Variants in NUDT5 observed in about 807,000 individuals in gnomAD.
NUDT5 encodes the protein nudix hydrolase 5, also known as ADP-sugar pyrophosphatase.
A neutral mutation model predicts 34.1 loss-of-function variants in NUDT5; 21 were observed. The ratio of observed to expected loss-of-function variants is 0.62; its 90% confidence interval spans 0.44 to 0.89. NUDT5 has a LOEUF of 0.89. Among genes scored for constraint, NUDT5 ranks in the 40% least tolerant of loss-of-function variants. The pLI is 0.00. For synonymous variants in NUDT5, 85 were observed against 97.6 expected (o/e 0.87, Z 0.76); for missense variants, 249 against 274.8 (o/e 0.91, Z 0.66).
chr10:12,174,874 T>C (rs1834923982), intron 5 of NUDT5, among the ~76,000 whole-genome samples: 1 of 151,820 alleles, frequency 6.6e-6, no homozygotes, highest in Non-Finnish European at 1.5e-5. Context: ...TCCTCCCTCA[T>C]AGTAAAACAC....
At chr10:12,194,212 C>T (rs1344692986) in intron 1 of NUDT5, among the ~76,000 whole-genome samples, 6 of 152,228 alleles carry the variant, frequency 3.9e-5, no homozygotes, top group Non-Finnish European at 8.8e-5. Flanking sequence ...AAGTACTGCT[C>T]CTCGCAGAAG....
intron 3 of NUDT5, among the ~76,000 whole-genome samples, chr10:12,183,738 CT>C (rs1158922335): frequency 6.6e-6 from 1 of 152,156 alleles, no homozygotes; most frequent in Non-Finnish European, 1.5e-5. Context: ...AACCACACAG[CT>C]TTTTTCCCAT....
intron 4 of NUDT5, among the ~76,000 whole-genome samples, chr10:12,178,172 T>A (rs1834986632): frequency 6.6e-6 from 1 of 152,060 alleles, no homozygotes; most frequent in Non-Finnish European, 1.5e-5. Flanking sequence ...TCCTACAGGG[T>A]CAAGGATGTA....
chr10:12,177,491 C>G (rs1483348781), intron 5 of NUDT5, among the ~76,000 whole-genome samples: 1 of 152,206 alleles, frequency 6.6e-6, no homozygotes, highest in Non-Finnish European at 1.5e-5. Flanking sequence ...TGCACTCCAG[C>G]CTGGGTGATA....
chr10:12,184,426 CAT>C (rs1835092464), intron 3 of NUDT5: 6 of 1,396,038 alleles, frequency 4.3e-6, no homozygotes, highest in Non-Finnish European at 4.9e-6. Flanking sequence ...GCTACTGACA[CAT>C]ATTATGAAAT....
chr10:12,184,807 C>T, intron 3 of NUDT5, 82 bp downstream of exon 3: 1 of 806,818 alleles, frequency 1.2e-6, no homozygotes, highest in Non-Finnish European at 2.0e-6. Flanking sequence ...AAAAAGAAAA[C>T]ATCAAAGTTT....
chr10:12,166,680 A>G lies in NUDT5; in HGVS notation c.*1022T>C, dbSNP rs1188172920. 2 of 497,158 alleles carry G rather than the reference A, an allele frequency of 4.0e-6. No homozygotes were observed. Among genetic ancestry groups the G allele is most frequent in the East Asian group, 1.2e-4 (2 of 16,402 alleles). 30.8% of individuals were successfully genotyped at this position (497,158 alleles called of 1,614,324 possible). A position where few individuals can be genotyped will look rare whatever the true frequency, so the allele number is the denominator to read the frequency against. Reference sequence around the variant, plus strand: ...CATGACTTAGGGCTGGATGAGAATCATCCTGAGAATTCCGTGGGGGCCAGA... The same window carrying G: ...CATGACTTAGGGCTGGATGAGAATCGTCCTGAGAATTCCGTGGGGGCCAGA... On this transcript the variant is annotated 3_prime_UTR_variant, in exon 10 of 10. Coordinates refer to ENST00000491614, the MANE Select transcript of NUDT5 (RefSeq NM_014142.4).
chr10:12,177,407 C>T (rs4750183), intron 5 of NUDT5, among the ~76,000 whole-genome samples: 5,417 of 148,094 alleles, frequency 0.037, 123 homozygotes, highest in Admixed American at 0.057. Flanking sequence ...TAGTCCCAGC[C>T]ACTCGGGAGG....
chr10:12,167,877 C>A, intron 9 of NUDT5, 66 bp from the exon 10 acceptor site: 2 of 1,601,286 alleles, frequency 1.2e-6, no homozygotes, highest in South Asian at 1.1e-5. Context: ...CTTATTCAAT[C>A]AGTGTTTGCG....
chr10:12,191,244 C>CT (rs1260062460), intron 1 of NUDT5, among the ~76,000 whole-genome samples: 7 of 152,008 alleles, frequency 4.6e-5, no homozygotes, highest in Non-Finnish European at 7.4e-5. Context: ...ATTAGCCAGG[C>CT]TTGGTGGTGG....
chr10:12,192,952 T>TC (rs1308716502), intron 1 of NUDT5, among the ~76,000 whole-genome samples: 1 of 152,050 alleles, frequency 6.6e-6, no homozygotes, highest in East Asian at 1.9e-4. Flanking sequence ...GGGTTTTTTT[T>TC]TCATTCTCTT....
rs1437362859 is a variant in NUDT5 at position 12,171,641 on chromosome 10, CCA to C, written c.488-735_488-734del. On this transcript the variant is annotated intron_variant, in intron 7 of 9. Transcript: ENST00000491614. This position sits in a 1 kb window ranked among gnomAD's most constrained non-coding sequence, Gnocchi z 4.2. ...TATGCTGAGGAACTGCCAAACTTTTCCACAGTGTCTCATATGTATATGTGCAG... is the reference window on the plus strand; with the variant it reads ...TATGCTGAGGAACTGCCAAACTTTTCCAGTGTCTCATATGTATATGTGCAG... 2.0e-5 allele frequency among the ~76,000 whole-genome samples: 3 copies of C among 151,924 alleles called. No individual in the cohort carries two copies. Among genetic ancestry groups the C allele is most frequent in the Non-Finnish European group, 2.9e-5 (2 of 67,994 alleles).
rs1463663894 is a variant in NUDT5 at position 12,187,343 on chromosome 10, T to G, written c.-41-1011A>C. On this transcript the variant is annotated intron_variant, in intron 1 of 9. Transcript: ENST00000491614. The surrounding 1 kb of genome is among the most constrained non-coding windows in gnomAD (Gnocchi z 5.4). ...TGAGCCACTGGACCCACCTCCCCAC[T>G]TACTTTTAAGTTTCAGCATGTATCA... Among the ~76,000 whole-genome samples, 1 of 152,216 alleles carries G rather than the reference T, an allele frequency of 6.6e-6. No homozygotes were observed. Among genetic ancestry groups the G allele is most frequent in the East Asian group, 1.9e-4 (1 of 5,202 alleles).
chr10:12,170,799 A>T lies in NUDT5; in HGVS notation c.497-29T>A. 1 of 1,613,952 alleles carries T rather than the reference A, an allele frequency of 6.2e-7. No individual in the cohort carries two copies. The highest frequency in any genetic ancestry group is 8.5e-7 in the Non-Finnish European group (1 of 1,179,808). On this transcript the variant is annotated intron_variant, in intron 8 of 9. Transcript: ENST00000491614. The surrounding 1 kb of genome is among the most constrained non-coding windows in gnomAD (Gnocchi z 4.9). ...AACAGACAAAGTGCAAGTGAAAACA[A>T]AGCTAACGTCAAGAGCCTACCAAAA...
At position 12,181,328 on chromosome 10, in the gene NUDT5, T is replaced by G. The variant is rs1161636761; in HGVS notation, c.132-2196A>C. ...CAGGGACTTCAGCATCTGTGGATTT[T>G]GGTATCTGCAGGGGGTCCTGGAACC... On this transcript the variant is annotated intron_variant, in intron 3 of 9. Coordinates refer to ENST00000491614, the MANE Select transcript of NUDT5 (RefSeq NM_014142.4). The surrounding 1 kb of genome is among the most constrained non-coding windows in gnomAD (Gnocchi z 5.0). 1.3e-5 allele frequency among the ~76,000 whole-genome samples: 2 copies of G among 152,192 alleles called. No individual in the cohort carries two copies. Among genetic ancestry groups the G allele is most frequent in the African/African-American group, 2.4e-5 (1 of 41,446 alleles).
At position 12,170,536 on chromosome 10, in the gene NUDT5, A is replaced by G. The variant is rs1016017080; in HGVS notation, c.550+181T>C. On this transcript the variant is annotated intron_variant, in intron 9 of 9. Transcript: ENST00000491614. The surrounding 1 kb of genome is among the most constrained non-coding windows in gnomAD (Gnocchi z 4.9). ...CCAGAATGCTTTGCTCTTATTTTCA[A>G]ACTCTGTGCCACCCAGAAAGGAAAA... The G allele has an allele frequency of 4.9e-5, 33 of 676,366 alleles. No individual in the cohort carries two copies. The highest frequency in any genetic ancestry group is 7.7e-5 in the Non-Finnish European group (30 of 389,868). 41.9% of individuals were successfully genotyped at this position (676,366 alleles called of 1,614,324 possible).
In NUDT5 at chr10:12,172,764, C is replaced by T; in HGVS notation, c.487+1G>A. 1 of 1,610,312 alleles carries T rather than the reference C, an allele frequency of 6.2e-7. No individual in the cohort carries two copies. The highest frequency in any genetic ancestry group is 8.5e-7 in the Non-Finnish European group (1 of 1,176,450). On this transcript the variant is annotated splice_donor_variant, in intron 7 of 9. Coordinates refer to ENST00000491614, the MANE Select transcript of NUDT5 (RefSeq NM_014142.4). LOFTEE classifies it high-confidence loss of function. ...CTTCATCACAGCCGACACACACATA[C>T]CTGGCTTTGGCTTCGGCCTTGCGTT... is the stretch of plus-strand genomic sequence containing the variant.
intron 4 of NUDT5, among the ~76,000 whole-genome samples, chr10:12,178,740 C>G (rs1297021593): frequency 6.6e-6 from 1 of 152,186 alleles, no homozygotes; most frequent in Admixed American, 6.5e-5. Context: ...AAGTAACTTT[C>G]CAAACTAAAG....
At chr10:12,177,654 C>T (rs1457230575) in intron 5 of NUDT5, 139 bp downstream of exon 5, 4 of 652,852 alleles carry the variant, frequency 6.1e-6, no homozygotes, top group Non-Finnish European at 1.1e-5. Context: ...CCTGGAGGAG[C>T]CTCGCTACGA....
Sources: gnomAD v4.1 joint callset for allele counts (sites outside exome capture counted in the v4.1 genomes callset) on GRCh38, gnomAD v4.1.1 for gene constraint, Gnocchi (gnomAD v3.1) non-coding constraint, MANE v1.5 for transcripts, NCBI Gene and HGNC (gene_info 2026-07-23, HGNC 2026-07-21) for gene names.